DIP2B: variants seen among roughly 807,000 people sequenced by gnomAD.
DIP2B encodes disco-interacting protein 2 homolog B.
A neutral mutation model predicts 198.0 loss-of-function variants in DIP2B; 76 were observed. That is an observed-to-expected ratio of 0.38 (90% CI 0.32 to 0.46). The LOEUF (loss-of-function observed/expected upper bound fraction) is 0.46. DIP2B is among the 20% of genes least tolerant of loss of function. The pLI is 0.99. For synonymous variants in DIP2B, 701 were observed against 739.1 expected (o/e 0.95, Z 0.84); for missense variants, 1,559 against 1,978.4 (o/e 0.79, Z 4.02).
At chr12:50,597,700 T>C (rs937711086) in intron 1 of DIP2B, among the ~76,000 whole-genome samples, 4 of 152,198 alleles carry the variant, frequency 2.6e-5, no homozygotes, top group Non-Finnish European at 5.9e-5. Flanking sequence ...TCACAAGTGA[T>C]ACAGACTGGC....
At chr12:50,735,493 A>T (rs1048729837) in intron 34 of DIP2B, among the ~76,000 whole-genome samples, 4 of 148,020 alleles carry the variant, frequency 2.7e-5, no homozygotes, top group Non-Finnish European at 5.9e-5. Context: ...TTTGAGATGG[A>T]GTCTCACTCT....
chr12:50,649,295 A>G (rs532989707), intron 3 of DIP2B, among the ~76,000 whole-genome samples: 6 of 152,358 alleles, frequency 3.9e-5, no homozygotes, highest in East Asian at 1.9e-4. Flanking sequence ...CTAAGAGAAC[A>G]CTGAGAAAGA....
chr12:50,510,947 CTTT>C (rs56793612), intron 1 of DIP2B, among the ~76,000 whole-genome samples: 1 of 131,100 alleles, frequency 7.6e-6, no homozygotes. Context: ...GCCTGGCTTT[CTTT>C]TTTTTTTTTT....
intron 1 of DIP2B, among the ~76,000 whole-genome samples, chr12:50,567,190 C>A (rs1306611489): frequency 1.3e-5 from 2 of 152,078 alleles, no homozygotes. Context: ...TAGGAAGTTG[C>A]AAAGATATGT....
At chr12:50,739,070 AG>A (rs1164497221) in intron 35 of DIP2B, among the ~76,000 whole-genome samples, 1 of 152,206 alleles carries the variant, frequency 6.6e-6, no homozygotes, top group African/African-American at 2.4e-5. Flanking sequence ...CCAGGGAGGC[AG>A]GGTAGCCTTG....
intron 11 of DIP2B, 115 bp from the exon 12 acceptor site, chr12:50,686,458 T>A (rs1459966492): frequency 1.2e-6 from 1 of 857,352 alleles, no homozygotes; most frequent in Non-Finnish European, 1.8e-6. Context: ...CTAAGTATTT[T>A]ATTGATTATA....
rs564174654 is a variant in DIP2B at position 50,691,582 on chromosome 12, A to G, written c.1654+431A>G. ...TTGATACATAATTGCATAAACCACT[A>G]TTTGCCTCAGAATGTTCTTTGCAAT... On this transcript the variant is annotated intron_variant, in intron 13 of 37. Coordinates refer to ENST00000301180, the MANE Select transcript of DIP2B (RefSeq NM_173602.3). Among the ~76,000 whole-genome samples the G allele has an allele frequency of 5.3e-5, 8 of 152,328 alleles. No homozygotes were observed. The East Asian group carries it at 1.5e-3, about 29-fold the overall frequency.
chr12:50,590,492 C>G (rs1324855862), intron 1 of DIP2B, among the ~76,000 whole-genome samples: 3 of 152,144 alleles, frequency 2.0e-5, no homozygotes, highest in African/African-American at 7.2e-5. Context: ...GCCTCAGCCT[C>G]CTGAGTAGCT....
At chr12:50,673,797 G>T (rs1308616705) in intron 5 of DIP2B, among the ~76,000 whole-genome samples, 3 of 152,190 alleles carry the variant, frequency 2.0e-5, no homozygotes, top group East Asian at 1.9e-4. Flanking sequence ...AAAATAAAAA[G>T]AATCCCTATG....
chr12:50,663,920 G>C (rs1256020419), intron 4 of DIP2B, among the ~76,000 whole-genome samples: 1 of 147,562 alleles, frequency 6.8e-6, no homozygotes, highest in Non-Finnish European at 1.5e-5. Context: ...TACCACTCTT[G>C]CAGGGAAAAA....
intron 2 of DIP2B, among the ~76,000 whole-genome samples, chr12:50,626,776 T>C (rs79870164): frequency 8.7e-5 from 2 of 22,944 alleles, no homozygotes; most frequent in Non-Finnish European, 2.6e-4. Flanking sequence ...ACTAATGGCT[T>C]TTTTTTTTTT....
intron 1 of DIP2B, among the ~76,000 whole-genome samples, chr12:50,615,133 G>A (rs2139457553): frequency 6.6e-6 from 1 of 152,240 alleles, no homozygotes; most frequent in East Asian, 1.9e-4. Flanking sequence ...AATAAAAGCA[G>A]AATAGTTGGA....
intron 4 of DIP2B, among the ~76,000 whole-genome samples, chr12:50,669,412 A>G (rs1484725252): frequency 6.6e-6 from 1 of 152,056 alleles, no homozygotes; most frequent in East Asian, 1.9e-4. Flanking sequence ...GTCATTATAT[A>G]ACTTTCTGGG....
At chr12:50,690,155 C>T (rs938061733) in intron 12 of DIP2B, among the ~76,000 whole-genome samples, 25 of 149,452 alleles carry the variant, frequency 1.7e-4, no homozygotes, top group African/African-American at 4.4e-4. Context: ...GGTGTGATCT[C>T]GGCTCACTGC....
chr12:50,607,107 T>C (rs1309750771), intron 1 of DIP2B, among the ~76,000 whole-genome samples: 1 of 132,166 alleles, frequency 7.6e-6, no homozygotes, highest in African/African-American at 2.6e-5. Context: ...ATGCTTGGCT[T>C]CTTTTTTTTT....
chr12:50,711,654 C>T (rs1358058117), intron 22 of DIP2B, among the ~76,000 whole-genome samples: 1 of 152,130 alleles, frequency 6.6e-6, no homozygotes, highest in Non-Finnish European at 1.5e-5. Flanking sequence ...CTCCACCTCC[C>T]GGTTTCAAGC....
At chr12:50,668,659 A>G (rs1344229305) in intron 4 of DIP2B, among the ~76,000 whole-genome samples, 3 of 152,206 alleles carry the variant, frequency 2.0e-5, no homozygotes, top group African/African-American at 4.8e-5. Context: ...ATACATATAA[A>G]TGATACAATA....
At position 50,646,413 on chromosome 12, in the gene DIP2B, G is replaced by A. The variant is rs569902332; in HGVS notation, c.301+5561G>A. On this transcript the variant is annotated intron_variant, in intron 3 of 37. Transcript: ENST00000301180. The stretch of plus-strand genomic sequence containing the variant: ...TGGGATTACAGGCGTGAGCCACTGC[G>A]CTTTGTCTATTATTATTATTATTTT... Among the ~76,000 whole-genome samples, 3 of 142,350 alleles carry A rather than the reference G, an allele frequency of 2.1e-5. No homozygotes were observed. In the East Asian group the frequency reaches 6.4e-4, roughly 31 times the overall value. 93.4% of individuals were successfully genotyped at this position (142,350 alleles called of 152,430 possible). A position where few individuals can be genotyped will look rare whatever the true frequency, so the allele number is the denominator to read the frequency against.
chr12:50,692,253 ATG>A (rs1460478258), intron 13 of DIP2B, among the ~76,000 whole-genome samples: 4 of 152,046 alleles, frequency 2.6e-5, no homozygotes, highest in African/African-American at 9.7e-5. Flanking sequence ...CTAGAAGTAT[ATG>A]TGTGTGTATA....
Sources: allele counts gnomAD v4.1 joint callset (sites outside exome capture counted in the v4.1 genomes callset), GRCh38; gene constraint gnomAD v4.1.1; transcripts MANE v1.5; gene names NCBI Gene and HGNC (gene_info 2026-07-23, HGNC 2026-07-21).